COL22A1: variants seen among roughly 807,000 people sequenced by gnomAD.
COL22A1 encodes collagen type XXII alpha 1 chain.
In COL22A1, 221 loss-of-function variants were observed where a neutral mutation model predicts 248.9. That is an observed-to-expected ratio of 0.89 (90% CI 0.80 to 0.99). The LOEUF is 0.99. Ranked by LOEUF, COL22A1 falls within the 50% of genes least tolerant of loss-of-function variation. COL22A1 has a pLI of 0.00. For missense variants in COL22A1, 2,240 were observed against 2,179.0 expected (o/e 1.03, Z -0.56); for synonymous variants, 891 against 793.4 (o/e 1.12, Z -2.07).
intron 17 of COL22A1, among the ~76,000 whole-genome samples, chr8:138,761,960 C>T (rs1362877435): frequency 1.3e-5 from 2 of 152,190 alleles, no homozygotes; most frequent in Non-Finnish European, 2.9e-5. Flanking sequence ...GTCTTGCAGA[C>T]CCCTCACATC....
rs141799913 is a variant in COL22A1, at chr8:138,622,482, A to G, written c.3771+1250T>C. The stretch of plus-strand genomic sequence containing the variant: ...ATTTAATCACTATATTTTAAATTTA[A>G]TTTTATCAGTAAGTAATGCATACTC... On this transcript the variant is annotated intron_variant, in intron 52 of 64. Transcript: ENST00000303045. 5.2e-3 allele frequency among the ~76,000 whole-genome samples: 790 copies of G among 152,308 alleles called. 5 individuals carry two copies. The highest frequency in any genetic ancestry group is 0.018 in the African/African-American group (754 of 41,550).
chr8:138,771,495 A>G (rs1255592737), intron 16 of COL22A1, among the ~76,000 whole-genome samples: 3 of 152,174 alleles, frequency 2.0e-5, no homozygotes, highest in African/African-American at 7.2e-5. Flanking sequence ...TCCAAGTCTG[A>G]TAATTTAGGA....
Position 138,878,070 on chromosome 8 carries a change from C to T in COL22A1, c.338G>A (p.Gly113Asp), listed in dbSNP as rs375895986. 5 of 1,597,908 alleles carry T rather than the reference C, an allele frequency of 3.1e-6. No homozygotes were observed. The highest frequency in any genetic ancestry group is 1.3e-5 in the African/African-American group (1 of 74,758). Reference sequence around the variant, plus strand: ...GAGCGCGTCTCCCGTGTTGGTGTTGCCCCCGTGGTAGGCGAGACGCCGGGC... The same window carrying T: ...GAGCGCGTCTCCCGTGTTGGTGTTGTCCCCGTGGTAGGCGAGACGCCGGGC... ...AAARRLAYHGGNTNTGDALRY... is the reference protein window; with the variant it reads ...AAARRLAYHGDNTNTGDALRY... Residue 113 changes from glycine (G) to aspartate (D), a missense_variant, in exon 3 of 65, where the codon GGC (glycine) becomes GAC (aspartate). Transcript: ENST00000303045.
At chr8:138,887,052 C>A (rs1824721745) in intron 1 of COL22A1, among the ~76,000 whole-genome samples, 1 of 152,166 alleles carries the variant, frequency 6.6e-6, no homozygotes, top group Admixed American at 6.5e-5. Flanking sequence ...TCCTTCGAGT[C>A]ACAAGCAATC....
intron 23 of COL22A1, among the ~76,000 whole-genome samples, chr8:138,729,829 A>G (rs1830577346): frequency 6.6e-6 from 1 of 152,260 alleles, no homozygotes; most frequent in East Asian, 1.9e-4. Context: ...TAAATAGAGC[A>G]GCCGCCTCGC....
chr8:138,603,524 A>T (rs992314729), intron 59 of COL22A1, among the ~76,000 whole-genome samples: 1 of 152,160 alleles, frequency 6.6e-6, no homozygotes, highest in African/African-American at 2.4e-5. Context: ...TATCTGGAAG[A>T]CTTAGGATGC....
intron 10 of COL22A1, among the ~76,000 whole-genome samples, chr8:138,806,153 GGT>G (rs201740917): frequency 0.27 from 28,269 of 106,606 alleles, 4,061 homozygotes; most frequent in African/African-American, 0.44. Context: ...TGTGTGTGAT[GGT>G]GTGTGTGTGT....
chr8:138,755,320 G>T (rs1478728147), intron 20 of COL22A1, 110 bp from the exon 21 acceptor site: 22 of 1,321,562 alleles, frequency 1.7e-5, no homozygotes. Flanking sequence ...CCAAGTTCTC[G>T]ATAGGGAGTA....
At chr8:138,677,662 A>T (rs766826297) in intron 40 of COL22A1, among the ~76,000 whole-genome samples, 7 of 152,272 alleles carry the variant, frequency 4.6e-5, no homozygotes, top group Non-Finnish European at 1.5e-5. Context: ...CCTAAGGATT[A>T]ATGTGCTTGA....
chr8:138,864,294 A>T (rs1482040090), intron 3 of COL22A1, among the ~76,000 whole-genome samples: 1 of 151,958 alleles, frequency 6.6e-6, no homozygotes, highest in African/African-American at 2.4e-5. Context: ...GGGGGCTTTA[A>T]GGGGCAGCTG....
intron 3 of COL22A1, among the ~76,000 whole-genome samples, chr8:138,845,698 C>T (rs972529619): frequency 1.2e-4 from 19 of 152,036 alleles, no homozygotes; most frequent in African/African-American, 3.4e-4. Flanking sequence ...TGTGTCTTAG[C>T]GTGGGCACCT....
At chr8:138,816,233 G>A (rs73723540) in intron 7 of COL22A1, among the ~76,000 whole-genome samples, 6,227 of 152,178 alleles carry the variant, frequency 0.041, 327 homozygotes, top group African/African-American at 0.12. Context: ...GGACAGAGGC[G>A]TTCTCAGGTG....
chr8:138,845,980 G>A (rs1290767251), intron 3 of COL22A1, among the ~76,000 whole-genome samples: 1 of 152,164 alleles, frequency 6.6e-6, no homozygotes, highest in Admixed American at 6.5e-5. Flanking sequence ...ATATTTGAGG[G>A]TATAAGTGTC....
intron 1 of COL22A1, among the ~76,000 whole-genome samples, chr8:138,899,250 C>T (rs1814360898): frequency 6.6e-6 from 1 of 152,110 alleles, no homozygotes; most frequent in East Asian, 1.9e-4. Flanking sequence ...CAAACCATGC[C>T]CTGCCACCTT....
rs553965610 is a variant in COL22A1, at chr8:138,616,811, C to T, written c.3870+103G>A. ...TGCTGGTGTGCTCCACGTCCTCTCT[C>T]GGGTAAGGCACTGCCATGGCCTGCA... is the stretch of plus-strand genomic sequence containing the variant. On this transcript the variant is annotated intron_variant, in intron 54 of 64. Coordinates refer to ENST00000303045, the MANE Select transcript of COL22A1 (RefSeq NM_152888.3). 2.0e-5 allele frequency: 27 copies of T among 1,347,130 alleles called. 1 individual carries two copies. The South Asian group carries it at 2.5e-4, about 12-fold the overall frequency. The allele number at this position is 1,347,130 out of a possible 1,614,324, so 83.4% of individuals were successfully genotyped here. A position where few individuals can be genotyped will look rare whatever the true frequency, so the allele number is the denominator to read the frequency against.
intron 23 of COL22A1, among the ~76,000 whole-genome samples, chr8:138,726,970 G>C (rs1469343133): frequency 1.3e-5 from 2 of 152,130 alleles, no homozygotes; most frequent in Non-Finnish European, 2.9e-5. Flanking sequence ...GGTGGACATG[G>C]GGTTATAAGC....
chr8:138,712,600 A>T (rs374535279), intron 30 of COL22A1, among the ~76,000 whole-genome samples: 2 of 8,396 alleles, frequency 2.4e-4, no homozygotes, highest in Admixed American at 1.1e-3. Flanking sequence ...CAGAGAGCAT[A>T]TGTTCTCCTC....
At chr8:138,657,968 T>C (rs1823443180) in intron 44 of COL22A1, among the ~76,000 whole-genome samples, 1 of 149,742 alleles carries the variant, frequency 6.7e-6, no homozygotes, top group Non-Finnish European at 1.5e-5. Context: ...ACTGTTTTTT[T>C]CCCCTGTCAT....
At chr8:138,847,810 A>C (rs1293996205) in intron 3 of COL22A1, among the ~76,000 whole-genome samples, 2 of 152,010 alleles carry the variant, frequency 1.3e-5, no homozygotes, top group Non-Finnish European at 2.9e-5. Context: ...AAAAAAAAAA[A>C]AAAAACTTCT....
Sources: gnomAD v4.1 joint callset for allele counts (sites outside exome capture counted in the v4.1 genomes callset) on GRCh38, gnomAD v4.1.1 for gene constraint, MANE v1.5 for transcripts, NCBI Gene and HGNC (gene_info 2026-07-23, HGNC 2026-07-21) for gene names.